The following ATP1A4 variants were observed in gnomAD, a reference collection of about 807,000 sequenced individuals.
The protein encoded by ATP1A4 is ATPase Na+/K+ transporting subunit alpha 4.
Under a neutral mutation model 114.3 loss-of-function variants are expected in ATP1A4, and 90 were observed. The observed-to-expected ratio is 0.79, with a 90% CI of 0.66 to 0.94. The LOEUF (loss-of-function observed/expected upper bound fraction) is 0.94, where lower values mean the gene tolerates loss of function less well. ATP1A4 is among the 40% of genes least tolerant of loss of function. ATP1A4 has a pLI of 0.00. For missense variants in ATP1A4, 1,222 were observed against 1,313.6 expected (o/e 0.93, Z 1.08); for synonymous variants, 511 against 494.1 (o/e 1.03, Z -0.45).
rs567364766 is a variant in ATP1A4, at chr1:160,152,632, T to C, written c.147+445T>C. On this transcript the variant is annotated intron_variant, in intron 1 of 21. Transcript: ENST00000368081. ...TGATAGGGATGTTTCTTTAGTGGGG[T>C]CTTTGTCTTTAATTGGGCCTTCGTC... 3.0e-3 allele frequency among the ~76,000 whole-genome samples: 455 copies of C among 152,200 alleles called. 1 individual carries two copies. Among genetic ancestry groups the C allele is most frequent in the African/African-American group, 0.011 (442 of 41,516 alleles).
intron 12 of ATP1A4, 104 bp from the exon 13 acceptor site, chr1:160,173,477 C>T: frequency 6.7e-7 from 1 of 1,485,380 alleles, no homozygotes; most frequent in Non-Finnish European, 9.2e-7. Context: ...CGACTAAAAC[C>T]CTTGTTGAAA....
At chr1:160,181,609 G>A in intron 18 of ATP1A4, 75 bp from the exon 19 acceptor site, 1 of 1,539,924 alleles carries the variant, frequency 6.5e-7, no homozygotes, top group East Asian at 2.3e-5. Flanking sequence ...GTCCTGGAAG[G>A]TGGGAGAGGA....
In ATP1A4 at chr1:160,174,585, G is replaced by A. The variant is rs181284059; in HGVS notation, c.2149G>A (p.Val717Ile). 1.1e-4 allele frequency: 184 copies of A among 1,613,558 alleles called. 2 individuals carry two copies. In the East Asian group the frequency reaches 2.5e-3, roughly 22 times the overall value. ...TCTGTCTGGACTTCCTCAGGGAGCC[G>A]TTGTGGCCGTGACAGGTGACGGGGT... The part of the protein sequence containing the change: ...IVEGCQRLGA[V>I]VAVTGDGVND... The change falls in exon 15 of 22, where the codon GTT (valine) becomes ATT (isoleucine). Residue 717 changes from valine (V) to isoleucine (I), a missense_variant. Coordinates refer to ENST00000368081, the MANE Select transcript of ATP1A4 (RefSeq NM_144699.4).
chr1:160,174,721 C>G lies in ATP1A4; in HGVS notation c.2285C>G (p.Ala762Gly), dbSNP rs1653399983. 1 of 1,614,042 alleles carries G rather than the reference C, an allele frequency of 6.2e-7. No homozygotes were observed. The highest frequency in any genetic ancestry group is 8.5e-7 in the Non-Finnish European group (1 of 1,180,042). The change falls in exon 15 of 22, where the codon GCC becomes GGC. Residue 762 changes from alanine (A) to glycine (G), a missense_variant. Physicochemically the swap from Ala to Gly is moderately conservative, Grantham distance 60. Coordinates refer to ENST00000368081, the MANE Select transcript of ATP1A4 (RefSeq NM_144699.4). ...ATGATCCTGCTGGATGACAACTTTG[C>G]CTCCATCGTCACGGGGGTGGAGGAG... is the stretch of plus-strand genomic sequence containing the variant. ...ADMILLDDNF[A>G]SIVTGVEEGR...
intron 4 of ATP1A4, 37 bp from the exon 5 acceptor site, chr1:160,158,965 A>G (rs772877131): frequency 6.9e-6 from 11 of 1,597,482 alleles, no homozygotes; most frequent in Non-Finnish European, 9.4e-6. Context: ...AGGAAAGCCA[A>G]AAGTTTTGGA....
rs777993590 is a variant in ATP1A4 at position 160,173,662 on chromosome 1, A to G, written c.1936A>G (p.Thr646Ala). ...GVGIISEGTE[T>A]AEEVAARLKI... The stretch of plus-strand genomic sequence containing the variant: ...GGGCATCATCTCAGAAGGCACTGAG[A>G]CGGCAGAGGAAGTCGCTGCCCGGCT... The change falls in exon 13 of 22, where the codon ACG (threonine) becomes GCG (alanine). Residue 646 changes from threonine to alanine, a missense_variant. By Grantham distance (58) the Thr-to-Ala change is moderately conservative (BLOSUM62 0). Transcript: ENST00000368081. 7 of 1,614,186 alleles carry G rather than the reference A, an allele frequency of 4.3e-6. No individual in the cohort carries two copies. Among genetic ancestry groups the G allele is most frequent in the Non-Finnish European group, 5.9e-6 (7 of 1,180,032 alleles).
intron 6 of ATP1A4, among the ~76,000 whole-genome samples, chr1:160,161,916 C>G (rs982141173): frequency 6.6e-6 from 1 of 152,196 alleles, no homozygotes; most frequent in Admixed American, 6.5e-5. Context: ...TAGAGATGCT[C>G]CTACTAAGTC....
At chr1:160,180,490 G>A (rs1316197329) in intron 18 of ATP1A4, among the ~76,000 whole-genome samples, 2 of 151,942 alleles carry the variant, frequency 1.3e-5, no homozygotes, top group African/African-American at 4.8e-5. Context: ...TGTCTATTGC[G>A]CTGACATGGT....
intron 21 of ATP1A4, 151 bp from the exon 22 acceptor site, chr1:160,186,520 T>C (rs1571042289): frequency 9.3e-7 from 1 of 1,071,168 alleles, no homozygotes; most frequent in East Asian, 2.5e-5. Context: ...TCTCTACCCC[T>C]TGGCTGCACC....
At chr1:160,185,401 A>G (rs60078762) in intron 20 of ATP1A4, among the ~76,000 whole-genome samples, 3,217 of 152,020 alleles carry the variant, frequency 0.021, 95 homozygotes, top group African/African-American at 0.064. Flanking sequence ...GTGAGCCATC[A>G]TGCCTGGCTA....
At chr1:160,159,974 A>G (rs561194327) in intron 6 of ATP1A4, among the ~76,000 whole-genome samples, 10 of 152,284 alleles carry the variant, frequency 6.6e-5, no homozygotes, top group African/African-American at 2.4e-4. Flanking sequence ...TGGAAACTTG[A>G]ATTACCAGAG....
chr1:160,160,080 A>G (rs1652815335), intron 6 of ATP1A4, among the ~76,000 whole-genome samples: 1 of 152,248 alleles, frequency 6.6e-6, no homozygotes, highest in African/African-American at 2.4e-5. Context: ...GGTAATAAAA[A>G]GGGACTGAAC....
At chr1:160,174,385 A>C (rs1653379543) in intron 14 of ATP1A4, 124 bp downstream of exon 14, 1 of 1,443,358 alleles carries the variant, frequency 6.9e-7, no homozygotes, top group Non-Finnish European at 9.3e-7. Context: ...CCCATCTGGA[A>C]CCTCCATGGT....
At position 160,152,671 on chromosome 1, in the gene ATP1A4, G is replaced by C. The variant is rs571246069; in HGVS notation, c.147+484G>C. Among the ~76,000 whole-genome samples, 8 of 152,324 alleles carry C rather than the reference G, an allele frequency of 5.3e-5. No homozygotes were observed. The South Asian group carries it at 1.7e-3, about 32-fold the overall frequency. On this transcript the variant is annotated intron_variant, in intron 1 of 21. Transcript: ENST00000368081. Reference sequence around the variant, plus strand: ...TGGGCCTTCGTCTGCCCTGTGGTCAGGTGGTTAGGCAGGCTGTTTCTCTGG... The same window carrying C: ...TGGGCCTTCGTCTGCCCTGTGGTCACGTGGTTAGGCAGGCTGTTTCTCTGG...
chr1:160,169,805 A>C (rs1653176185), intron 10 of ATP1A4: 1 of 152,078 alleles, frequency 6.6e-6, no homozygotes, highest in Non-Finnish European at 1.5e-5. Flanking sequence ...CCTCGGGTTC[A>C]TTTCATGAAT....
At position 160,173,673 on chromosome 1, in the gene ATP1A4, A is replaced by T. The variant is rs1244225158; in HGVS notation, c.1947A>T (p.Glu649Asp). 1 of 1,614,054 alleles carries T rather than the reference A, an allele frequency of 6.2e-7. No homozygotes were observed. The highest frequency in any genetic ancestry group is 1.7e-5 in the Admixed American group (1 of 59,998). The change falls in exon 13 of 22, where the codon GAA becomes GAT. Residue 649 changes from glutamate to aspartate, a missense_variant. Transcript: ENST00000368081. ...CAGAAGGCACTGAGACGGCAGAGGAAGTCGCTGCCCGGCTTAAGATCCCTA... is the reference window on the plus strand; with the variant it reads ...CAGAAGGCACTGAGACGGCAGAGGATGTCGCTGCCCGGCTTAAGATCCCTA... ...IISEGTETAE[E>D]VAARLKIPIS...
chr1:160,177,662 TG>T lies in ATP1A4; in HGVS notation c.2736+1del. On this transcript the variant is annotated frameshift_variant and splice_region_variant, in exon 18 of 22. Transcript: ENST00000368081. LOFTEE classifies it high-confidence loss of function. ...CCTGGAGGACAGCTACGGACAGCAG[TG>T]GGTGAGTAGAAGGGATAAGGTAGGA... ...NDLEDSYGQQ[W>X]TYEQRKVVEF... 6.2e-7 allele frequency: 1 copy of T among 1,613,962 alleles called. No individual in the cohort carries two copies. Among genetic ancestry groups the T allele is most frequent in the Non-Finnish European group, 8.5e-7 (1 of 1,179,962 alleles).
Position 160,174,219 on chromosome 1 carries a change from C to T in ATP1A4, c.2100C>T (p.Ser700=). 1 of 1,614,148 alleles carries T rather than the reference C, an allele frequency of 6.2e-7. No individual in the cohort carries two copies. The highest frequency in any genetic ancestry group is 8.5e-7 in the Non-Finnish European group (1 of 1,180,020). The part of the protein sequence containing the change: ...NHPEIVFART[S]PQQKLIIVEG... ...CTGAGATCGTGTTTGCTCGGACCTC[C>T]CCTCAGCAGAAGCTCATCATTGTCG... Residue 700 remains serine, a synonymous_variant, in exon 14 of 22, where the codon TCC becomes TCT. Transcript: ENST00000368081.
chr1:160,174,265 A>G lies in ATP1A4; in HGVS notation c.2142+4A>G, dbSNP rs1204536221. 39 of 1,613,962 alleles carry G rather than the reference A, an allele frequency of 2.4e-5. No homozygotes were observed. Among genetic ancestry groups the G allele is most frequent in the Non-Finnish European group, 3.1e-5 (37 of 1,180,024 alleles). On this transcript the variant is annotated splice_donor_region_variant and intron_variant, in intron 14 of 21. Transcript: ENST00000368081. ...TGTCGAGGGATGTCAGAGGCTGGTA[A>G]GGAACGAAAAGGAGCCCCAAGGAAA...
Sources: allele counts gnomAD v4.1 joint callset (sites outside exome capture counted in the v4.1 genomes callset), GRCh38; gene constraint gnomAD v4.1.1; transcripts MANE v1.5; gene names NCBI Gene and HGNC (gene_info 2026-07-23, HGNC 2026-07-21).